The following PEX5L variants were observed in gnomAD, a reference collection of about 807,000 sequenced individuals.
The protein encoded by PEX5L is PEX5-related protein.
A neutral mutation model predicts 84.0 loss-of-function variants in PEX5L; 30 were observed. That is an observed-to-expected ratio of 0.36 (90% CI 0.27 to 0.48). The LOEUF (loss-of-function observed/expected upper bound fraction) is 0.48. Ranked by LOEUF, PEX5L falls within the 20% of genes least tolerant of loss-of-function variation. The pLI is 0.99. For synonymous variants in PEX5L, 270 were observed against 283.1 expected (o/e 0.95, Z 0.46); for missense variants, 533 against 754.6 (o/e 0.71, Z 3.44).
chr3:179,958,969 G>A (rs1314868250), intron 2 of PEX5L, among the ~76,000 whole-genome samples: 1 of 151,880 alleles, frequency 6.6e-6, no homozygotes, highest in African/African-American at 2.4e-5. Flanking sequence ...GGAGCTTACA[G>A]TGAGCCGAGA....
chr3:179,861,025 A>C (rs1014902339), intron 7 of PEX5L, among the ~76,000 whole-genome samples: 1 of 152,230 alleles, frequency 6.6e-6, no homozygotes, highest in Non-Finnish European at 1.5e-5. Flanking sequence ...TGTGGATTGC[A>C]AGCAATAATG....
intron 1 of PEX5L, among the ~76,000 whole-genome samples, chr3:180,011,058 T>G (rs974086570): frequency 1.3e-5 from 2 of 152,088 alleles, no homozygotes; most frequent in African/African-American, 2.4e-5. Context: ...ACGGCCCAGA[T>G]AGCGAAAGTC....
intron 1 of PEX5L, among the ~76,000 whole-genome samples, chr3:179,978,332 A>G (rs1016754324): frequency 6.6e-6 from 1 of 152,228 alleles, no homozygotes; most frequent in African/African-American, 2.4e-5. Flanking sequence ...ATAAGTATCC[A>G]TTAAGATTAC....
At chr3:179,832,548 A>C (rs1159164388) in intron 8 of PEX5L, among the ~76,000 whole-genome samples, 178 of 62,892 alleles carry the variant, frequency 2.8e-3, no homozygotes, top group Middle Eastern at 0.013. Flanking sequence ...ATTTACTTAC[A>C]CACCTACTCA....
Position 179,837,611 on chromosome 3 carries a change from A to T in PEX5L, c.823-17635T>A, listed in dbSNP as rs116108055. ...CATCCCTTACATAACTGTTTGCTCA[A>T]TTGGTACAAGTGGTCCCTTTTATAG... On this transcript the variant is annotated intron_variant, in intron 8 of 14. Coordinates refer to ENST00000467460, the MANE Select transcript of PEX5L (RefSeq NM_016559.3). 1.8e-3 allele frequency among the ~76,000 whole-genome samples: 278 copies of T among 152,314 alleles called. 2 individuals carry two copies. The highest frequency in any genetic ancestry group is 6.3e-3 in the African/African-American group (263 of 41,582).
At chr3:179,900,330 C>T (rs1396947763) in intron 2 of PEX5L, among the ~76,000 whole-genome samples, 1 of 151,962 alleles carries the variant, frequency 6.6e-6, no homozygotes, top group South Asian at 2.1e-4. Context: ...TCTAATGTTA[C>T]AAGGTATAAT....
chr3:179,821,054 C>G (rs1424910851), intron 8 of PEX5L, among the ~76,000 whole-genome samples: 2 of 152,144 alleles, frequency 1.3e-5, no homozygotes, highest in Admixed American at 6.5e-5. Context: ...TTTCAAGGAA[C>G]CACTTTGGCC....
chr3:179,933,223 G>T, intron 2 of PEX5L, among the ~76,000 whole-genome samples: 1 of 152,036 alleles, frequency 6.6e-6, no homozygotes, highest in East Asian at 1.9e-4. Context: ...GACCATGTGT[G>T]TTTGTCCTGC....
rs1406709648 is a variant in PEX5L at position 179,796,510 on chromosome 3, C to G, written c.*5318G>C. ...TTGTTAAACCTCACAGTTTAATTTT[C>G]TGTGTTTTTTTTTTTCCTCTTAACT... On this transcript the variant is annotated 3_prime_UTR_variant, in exon 15 of 15. Transcript: ENST00000467460. The G allele has an allele frequency of 2.0e-5, 3 of 151,148 alleles. No individual in the cohort carries two copies. The highest frequency in any genetic ancestry group is 4.4e-5 in the Non-Finnish European group (3 of 67,874). 9.4% of individuals were successfully genotyped at this position (151,148 alleles called of 1,614,324 possible).
At chr3:179,993,674 T>G (rs1048267679) in intron 1 of PEX5L, among the ~76,000 whole-genome samples, 5 of 152,018 alleles carry the variant, frequency 3.3e-5, no homozygotes, top group African/African-American at 1.2e-4. Context: ...TAATTTTTTT[T>G]GTATTTTTAG....
intron 2 of PEX5L, among the ~76,000 whole-genome samples, chr3:179,948,590 T>C (rs750028360): frequency 5.9e-5 from 9 of 152,142 alleles, no homozygotes; most frequent in Non-Finnish European, 1.2e-4. Flanking sequence ...TTCAGCAAAA[T>C]TCCCTCCGTG....
intron 1 of PEX5L, among the ~76,000 whole-genome samples, chr3:179,982,184 T>C (rs540314366): frequency 6.6e-6 from 1 of 152,324 alleles, no homozygotes; most frequent in East Asian, 1.9e-4. Context: ...TATCCTCTTA[T>C]TCAAAGTTTG....
chr3:179,810,002 C>CTTTTTTTTTTTTT (rs35662193), intron 11 of PEX5L, among the ~76,000 whole-genome samples: 1 of 45,306 alleles, frequency 2.2e-5, no homozygotes, highest in African/African-American at 9.1e-5. Context: ...TTTAATGCTG[C>CTTTTTTTTTTTTT]TTTTTTTTTT....
intron 7 of PEX5L, among the ~76,000 whole-genome samples, chr3:179,869,945 A>G (rs1749701996): frequency 6.6e-6 from 1 of 152,218 alleles, no homozygotes. Flanking sequence ...CTCTGTACAT[A>G]GTGAGCTATA....
chr3:179,842,741 T>A lies in PEX5L; in HGVS notation c.822+16321A>T, dbSNP rs185895401. Among the ~76,000 whole-genome samples the A allele has an allele frequency of 4.7e-4, 71 of 152,078 alleles. 1 individual carries two copies. The highest frequency in any genetic ancestry group is 4.7e-3 in the Admixed American group (71 of 15,254). The stretch of plus-strand genomic sequence containing the variant: ...AAAGCACCATCAACAGCAACAAAAT[T>A]AGAGGATGAAAATACGTTGTCCTCA... On this transcript the variant is annotated intron_variant, in intron 8 of 14. Coordinates refer to ENST00000467460, the MANE Select transcript of PEX5L (RefSeq NM_016559.3).
At chr3:179,810,064 A>AGT (rs1159834553) in intron 11 of PEX5L, among the ~76,000 whole-genome samples, 76 of 115,492 alleles carry the variant, frequency 6.6e-4, no homozygotes, top group African/African-American at 2.5e-3. Context: ...CTGAAGCTGG[A>AGT]GTGCAGTGGT....
intron 2 of PEX5L, among the ~76,000 whole-genome samples, chr3:179,912,350 A>G (rs1264518766): frequency 6.6e-6 from 1 of 152,138 alleles, no homozygotes; most frequent in Non-Finnish European, 1.5e-5. Context: ...ACTCAGTTCA[A>G]TCTGCTAAAT....
chr3:179,863,784 C>T (rs1280189324), intron 7 of PEX5L, among the ~76,000 whole-genome samples: 2 of 152,092 alleles, frequency 1.3e-5, no homozygotes, highest in East Asian at 3.8e-4. Context: ...CCTCAATAAA[C>T]TAAAAGTAGA....
In PEX5L at chr3:180,036,675, G is replaced by C. The variant is rs549935599; in HGVS notation, c.-76C>G. On this transcript the variant is annotated 5_prime_UTR_variant, in exon 1 of 15. Transcript: ENST00000467460. Reference sequence around the variant, plus strand: ...CGTGCTTACTTGCCCACCAAAAGAGGGGAAAAGGTGGGTGCACAGCGGGTT... The same window carrying C: ...CGTGCTTACTTGCCCACCAAAAGAGCGGAAAAGGTGGGTGCACAGCGGGTT... 37 of 1,513,754 alleles carry C rather than the reference G, an allele frequency of 2.4e-5. No individual in the cohort carries two copies. Among genetic ancestry groups the C allele is most frequent in the Non-Finnish European group, 3.2e-5 (35 of 1,088,622 alleles). 93.8% of individuals were successfully genotyped at this position (1,513,754 alleles called of 1,614,324 possible).
Sources: gnomAD v4.1 joint callset for allele counts (sites outside exome capture counted in the v4.1 genomes callset) on GRCh38, gnomAD v4.1.1 for gene constraint, MANE v1.5 for transcripts, NCBI Gene and HGNC (gene_info 2026-07-23, HGNC 2026-07-21) for gene names.